Variants in ROBO2 observed in about 807,000 individuals in gnomAD.
The protein encoded by ROBO2 is roundabout guidance receptor 2.
ROBO2 carries 53 observed loss-of-function variants against 160.8 expected under a neutral mutation model. The ratio of observed to expected loss-of-function variants is 0.33; its 90% CI spans 0.26 to 0.41. The LOEUF is 0.41. Ranked by LOEUF, ROBO2 falls within the 10% of genes least tolerant of loss-of-function variation. The probability of loss-of-function intolerance (pLI) is 1.00; values close to 1 mark genes in which losing one functional copy is unlikely to be tolerated. For synonymous variants in ROBO2, 664 were observed against 611.7 expected (o/e 1.09, Z -1.26); for missense variants, 1,577 against 1,722.4 (o/e 0.92, Z 1.49).
chr3:76,002,006 T>G (rs540101547), intron 2 of ROBO2, among the ~76,000 whole-genome samples: 11 of 152,210 alleles, frequency 7.2e-5, no homozygotes, highest in Non-Finnish European at 1.5e-4. Flanking sequence ...GAAGATACTT[T>G]CAGTTTAAAT....
intron 2 of ROBO2, among the ~76,000 whole-genome samples, chr3:77,161,026 A>T (rs1003563997): frequency 6.6e-6 from 1 of 152,160 alleles, no homozygotes; most frequent in African/African-American, 2.4e-5. Context: ...TTCCACAGAT[A>T]GGTAAAAGAA....
At chr3:75,991,298 T>C (rs1161046727) in intron 2 of ROBO2, among the ~76,000 whole-genome samples, 1 of 152,182 alleles carries the variant, frequency 6.6e-6, no homozygotes, top group Non-Finnish European at 1.5e-5. Flanking sequence ...CCAAATCTCA[T>C]CTTGAATTGT....
intron 21 of ROBO2, among the ~76,000 whole-genome samples, chr3:77,617,096 T>C (rs1033846253): frequency 1.0e-4 from 15 of 149,496 alleles, no homozygotes; most frequent in Admixed American, 9.5e-4. Flanking sequence ...TCTCCAATAC[T>C]TCTTAGATAA....
At chr3:76,628,256 CTT>C (rs998508821) in intron 2 of ROBO2, among the ~76,000 whole-genome samples, 1 of 151,174 alleles carries the variant, frequency 6.6e-6, no homozygotes, top group Non-Finnish European at 1.5e-5. Flanking sequence ...TTTTTTCTTT[CTT>C]TTTTTTATTG....
intron 2 of ROBO2, among the ~76,000 whole-genome samples, chr3:77,309,856 G>A (rs1365046139): frequency 6.6e-6 from 1 of 152,204 alleles, no homozygotes; most frequent in Non-Finnish European, 1.5e-5. Context: ...TAAAGCAGTG[G>A]TACTTGTAAA....
At chr3:77,546,382 C>G in exon 7 of ROBO2, 1 of 1,613,250 alleles carries the variant, frequency 6.2e-7, no homozygotes, top group Non-Finnish European at 8.5e-7. Flanking sequence ...GATTGTTGCT[C>G]AAGGTCGAAC....
At chr3:75,966,282 G>C (rs1215410109) in intron 2 of ROBO2, among the ~76,000 whole-genome samples, 5 of 150,646 alleles carry the variant, frequency 3.3e-5, no homozygotes, top group African/African-American at 9.7e-5. Context: ...TTTTTTTAAA[G>C]AGACATATGC....
At chr3:77,042,041 T>C (rs1188324467) in intron 1 of ROBO2, among the ~76,000 whole-genome samples, 1 of 152,168 alleles carries the variant, frequency 6.6e-6, no homozygotes, top group African/African-American at 2.4e-5. Flanking sequence ...CCCAATGTAT[T>C]GGACTCAAAA....
intron 2 of ROBO2, among the ~76,000 whole-genome samples, chr3:76,972,713 G>A (rs1436594653): frequency 6.6e-6 from 1 of 151,974 alleles, no homozygotes; most frequent in Non-Finnish European, 1.5e-5. Context: ...AAGAAAATTA[G>A]CCAAGCCTAT....
At chr3:76,218,338 A>T (rs1703708660) in intron 2 of ROBO2, among the ~76,000 whole-genome samples, 1 of 152,180 alleles carries the variant, frequency 6.6e-6, no homozygotes, top group African/African-American at 2.4e-5. Context: ...GAAGGAAATA[A>T]AGGGCATTCA....
At chr3:77,094,777 T>C (rs1217982619) in intron 1 of ROBO2, among the ~76,000 whole-genome samples, 1 of 152,204 alleles carries the variant, frequency 6.6e-6, no homozygotes, top group Non-Finnish European at 1.5e-5. Flanking sequence ...ATTTTTCTAA[T>C]AGCTAATGAT....
intron 2 of ROBO2, among the ~76,000 whole-genome samples, chr3:77,167,172 A>G (rs2079174189): frequency 6.6e-6 from 1 of 152,142 alleles, no homozygotes. Flanking sequence ...TCTTCCATTG[A>G]TAAAATTGTG....
chr3:76,153,507 A>G (rs2072286337), intron 2 of ROBO2, among the ~76,000 whole-genome samples: 1 of 152,170 alleles, frequency 6.6e-6, no homozygotes, highest in East Asian at 1.9e-4. Flanking sequence ...ATGAAAACAT[A>G]ACCAAGAAAA....
intron 2 of ROBO2, among the ~76,000 whole-genome samples, chr3:77,178,952 C>T (rs998583263): frequency 1.3e-5 from 2 of 152,034 alleles, no homozygotes; most frequent in Non-Finnish European, 2.9e-5. Flanking sequence ...TTGCAGATAA[C>T]TTGGCAATCT....
At chr3:76,321,370 C>T (rs1322061227) in intron 2 of ROBO2, among the ~76,000 whole-genome samples, 1 of 151,964 alleles carries the variant, frequency 6.6e-6, no homozygotes, top group Admixed American at 6.6e-5. Context: ...CAAAAATTAG[C>T]TGGGCGTGGT....
chr3:76,497,845 C>G (rs1200519721), intron 2 of ROBO2, among the ~76,000 whole-genome samples: 1 of 151,446 alleles, frequency 6.6e-6, no homozygotes. Flanking sequence ...CCCAGCATTC[C>G]CAGCATTCCC....
Position 76,329,844 on chromosome 3 carries a change from T to G in ROBO2, c.109+392242T>G, listed in dbSNP as rs548433429. 2.6e-4 allele frequency among the ~76,000 whole-genome samples: 40 copies of G among 152,320 alleles called. 1 individual carries two copies. The highest frequency in any genetic ancestry group is 9.6e-4 in the African/African-American group (40 of 41,566). On this transcript the variant is annotated intron_variant, in intron 2 of 26. Coordinates refer to the ROBO2 transcript ENST00000487694. ...CTTTCAGAATTCTCTTCAAAGGCCC[T>G]TTTATTTGCTTTTTCCGGGAGCAGT...
chr3:76,160,947 G>A (rs2106919789), intron 2 of ROBO2, among the ~76,000 whole-genome samples: 1 of 152,154 alleles, frequency 6.6e-6, no homozygotes, highest in Admixed American at 6.6e-5. Context: ...ATTCTGACAT[G>A]TTACATGATT....
At chr3:75,990,058 A>T (rs1335615610) in intron 2 of ROBO2, among the ~76,000 whole-genome samples, 1 of 152,198 alleles carries the variant, frequency 6.6e-6, no homozygotes, top group Non-Finnish European at 1.5e-5. Flanking sequence ...CATTGTTAAA[A>T]TCCTTTTAAA....
Sources: allele counts gnomAD v4.1 joint callset (sites outside exome capture counted in the v4.1 genomes callset), GRCh38; gene constraint gnomAD v4.1.1; transcripts MANE v1.5; gene names NCBI Gene and HGNC (gene_info 2026-07-23, HGNC 2026-07-21).